Variants in AUTS2 observed in about 807,000 individuals in gnomAD.
AUTS2 encodes autism susceptibility gene 2 protein.
Under a neutral mutation model 112.4 loss-of-function variants are expected in AUTS2, and 17 were observed. That is an observed-to-expected ratio of 0.15 (90% CI 0.10 to 0.23). The LOEUF (loss-of-function observed/expected upper bound fraction) is 0.23, where lower values mean the gene tolerates loss of function less well. Among genes scored for constraint, AUTS2 ranks in the 10% least tolerant of loss-of-function variants. The pLI, the probability that AUTS2 is intolerant of heterozygous loss-of-function variation, is 1.00. For synonymous variants in AUTS2, 751 were observed against 702.7 expected, an observed-to-expected ratio of 1.07 and a Z score of -1.09; for missense variants, 1,510 against 1,701.6, an observed-to-expected ratio of 0.89 and a Z score of 1.98.
chr7:70,569,686 G>A (rs1585314341), intron 5 of AUTS2, among the ~76,000 whole-genome samples: 1 of 152,128 alleles, frequency 6.6e-6, no homozygotes, highest in Non-Finnish European at 1.5e-5. Context: ...TACAGATCCT[G>A]GCTGCTAAAA....
At chr7:70,579,120 G>C (rs1053436020) in intron 5 of AUTS2, among the ~76,000 whole-genome samples, 20 of 149,918 alleles carry the variant, frequency 1.3e-4, no homozygotes, top group Admixed American at 8.0e-4. Flanking sequence ...GTAGAAACAG[G>C]GTTTCACCAT....
At chr7:69,726,247 ATAGTT>A (rs1786507997) in intron 1 of AUTS2, among the ~76,000 whole-genome samples, 2 of 152,076 alleles carry the variant, frequency 1.3e-5, no homozygotes, top group African/African-American at 4.8e-5. Context: ...TCGTGTTAAC[ATAGTT>A]TAGTTTTGCC....
intron 1 of AUTS2, among the ~76,000 whole-genome samples, chr7:69,703,957 T>G (rs749447193): frequency 1.3e-5 from 2 of 152,236 alleles, no homozygotes; most frequent in African/African-American, 4.8e-5. Context: ...TAATTTTCTT[T>G]TAGAAACAAG....
At chr7:70,763,504 C>T (rs1039512892) in intron 7 of AUTS2, among the ~76,000 whole-genome samples, 163 bp downstream of exon 7, 2 of 152,036 alleles carry the variant, frequency 1.3e-5, no homozygotes, top group African/African-American at 4.8e-5. Flanking sequence ...GGGTGAGACT[C>T]GGGTCTCTTG....
chr7:70,771,391 CGTCT>C, intron 10 of AUTS2, 154 bp from the exon 11 acceptor site: 1 of 527,860 alleles, frequency 1.9e-6, no homozygotes. Flanking sequence ...ATTCGTGGCA[CGTCT>C]GTGTGATCAT....
intron 4 of AUTS2, among the ~76,000 whole-genome samples, chr7:70,387,159 C>T (rs1341361300): frequency 6.6e-6 from 1 of 152,170 alleles, no homozygotes; most frequent in Non-Finnish European, 1.5e-5. Context: ...ACTGCCAAAC[C>T]TTTTGAAAGC....
At chr7:70,270,926 C>T (rs980399275) in intron 4 of AUTS2, among the ~76,000 whole-genome samples, 1 of 152,134 alleles carries the variant, frequency 6.6e-6, no homozygotes. Flanking sequence ...TGACTGAAGA[C>T]AGAAGTCCTT....
Position 70,476,636 on chromosome 7 carries a change from C to T in AUTS2, c.690+40855C>T, listed in dbSNP as rs192328765. On this transcript the variant is annotated intron_variant, in intron 5 of 18. Coordinates refer to ENST00000342771, the MANE Select transcript of AUTS2 (RefSeq NM_015570.4). ...GACTATAGCATATCCATGTGTATTA[C>T]GGTGGTTAAGAGCTCATCTCTTTAG... 1.5e-3 allele frequency among the ~76,000 whole-genome samples: 221 copies of T among 152,242 alleles called. 2 individuals are homozygous for T. The highest frequency in any genetic ancestry group is 1.4e-3 in the Non-Finnish European group (92 of 68,020).
At chr7:70,529,129 G>A (rs929645604) in intron 5 of AUTS2, among the ~76,000 whole-genome samples, 1 of 152,138 alleles carries the variant, frequency 6.6e-6, no homozygotes, top group African/African-American at 2.4e-5. Flanking sequence ...CTTCTTCTGG[G>A]CAGACCCTTA....
intron 4 of AUTS2, among the ~76,000 whole-genome samples, chr7:70,340,163 A>AAC (rs71077652): frequency 0.032 from 4,679 of 144,724 alleles, 68 homozygotes; most frequent in Non-Finnish European, 0.035. Flanking sequence ...TATGGAGAGA[A>AAC]ACACACACAC....
rs77196508 is a variant in AUTS2, at chr7:70,658,005, A to G, written c.691-40564A>G. On this transcript the variant is annotated intron_variant, in intron 5 of 18. Transcript: ENST00000342771. Reference sequence around the variant, plus strand: ...GGATATATTTGAGGCACCATACTCTATCTGCCCAAGAAAGGAAGAGGGGCA... The same window carrying G: ...GGATATATTTGAGGCACCATACTCTGTCTGCCCAAGAAAGGAAGAGGGGCA... Among the ~76,000 whole-genome samples, 572 of 152,294 alleles carry G rather than the reference A, an allele frequency of 3.8e-3. 4 individuals are homozygous for G. Among genetic ancestry groups the G allele is most frequent in the African/African-American group, 0.013 (555 of 41,554 alleles).
chr7:70,489,355 T>C (rs1250357280), intron 5 of AUTS2, among the ~76,000 whole-genome samples: 2 of 152,230 alleles, frequency 1.3e-5, no homozygotes, highest in Non-Finnish European at 2.9e-5. Context: ...CTGTTAAGTA[T>C]AGCATTGGTT....
At chr7:69,968,060 A>G (rs927746153) in intron 2 of AUTS2, among the ~76,000 whole-genome samples, 2 of 152,252 alleles carry the variant, frequency 1.3e-5, no homozygotes, top group African/African-American at 4.8e-5. Context: ...AAGAGGGGAA[A>G]TAATGAAACT....
At chr7:70,271,718 T>C (rs1208747936) in intron 4 of AUTS2, among the ~76,000 whole-genome samples, 2 of 152,182 alleles carry the variant, frequency 1.3e-5, no homozygotes, top group Admixed American at 1.3e-4. Context: ...CATATCCCTG[T>C]CTTTAAAAAC....
rs148771203 is a variant in AUTS2 at position 69,678,614 on chromosome 7, G to A, written c.309+78652G>A. Among the ~76,000 whole-genome samples the A allele has an allele frequency of 5.9e-5, 9 of 152,244 alleles. No homozygotes were observed. The East Asian group carries it at 1.4e-3, about 23-fold the overall frequency. On this transcript the variant is annotated intron_variant, in intron 1 of 18. Transcript: ENST00000342771. ...GCCTGGAGTTTTCAGAAACTCAATT[G>A]TGGCCTTTATAAGGCTGTGCCTGGG...
chr7:70,135,827 G>T (rs1050594760), intron 4 of AUTS2, among the ~76,000 whole-genome samples: 1 of 152,152 alleles, frequency 6.6e-6, no homozygotes, highest in South Asian at 2.1e-4. Context: ...AATAACAGAC[G>T]TAGCCCCATC....
intron 4 of AUTS2, among the ~76,000 whole-genome samples, chr7:70,248,523 AAGCTCTTCTGACC>A (rs1353315726): frequency 6.6e-6 from 1 of 152,142 alleles, no homozygotes; most frequent in South Asian, 2.1e-4. Flanking sequence ...ATGTTTTAAA[AAGCTCTTCTGACC>A]AGATAATATT....
chr7:69,978,890 A>G (rs1455613341), intron 2 of AUTS2, among the ~76,000 whole-genome samples: 2 of 150,046 alleles, frequency 1.3e-5, no homozygotes, highest in Non-Finnish European at 3.0e-5. Flanking sequence ...ACACACACAC[A>G]CACACACACA....
chr7:70,764,651 T>C (rs1028985454), intron 7 of AUTS2, 101 bp from the exon 8 acceptor site: 27 of 658,572 alleles, frequency 4.1e-5, no homozygotes, highest in Admixed American at 2.4e-4. Flanking sequence ...CAAGAGAGAC[T>C]GTGGTGAGGG....
Sources: gnomAD v4.1 joint callset for allele counts (sites outside exome capture counted in the v4.1 genomes callset) on GRCh38, gnomAD v4.1.1 for gene constraint, MANE v1.5 for transcripts, NCBI Gene and HGNC (gene_info 2026-07-23, HGNC 2026-07-21) for gene names.